GRIK1: variants seen among roughly 807,000 people sequenced by gnomAD.
GRIK1 encodes the protein glutamate receptor ionotropic, kainate 1.
In GRIK1, 69 loss-of-function variants were observed where a neutral mutation model predicts 105.7. The ratio of observed to expected loss-of-function variants is 0.65; its 90% CI spans 0.54 to 0.80. GRIK1 has a LOEUF of 0.80. Among genes scored for constraint, GRIK1 ranks in the 30% least tolerant of loss-of-function variants. The pLI is 0.00. For missense variants in GRIK1, 1,109 were observed against 1,167.3 expected, an observed-to-expected ratio of 0.95 and a Z score of 0.73; for synonymous variants, 438 against 431.3, an observed-to-expected ratio of 1.02 and a Z score of -0.19.
chr21:29,699,645 T>G (rs1475576724), intron 1 of GRIK1, among the ~76,000 whole-genome samples: 3 of 152,120 alleles, frequency 2.0e-5, no homozygotes, highest in African/African-American at 7.2e-5. Context: ...AGTACATTTA[T>G]CAGCATCTTT....
At chr21:29,900,112 A>G (rs887480591) in intron 1 of GRIK1, among the ~76,000 whole-genome samples, 4 of 151,494 alleles carry the variant, frequency 2.6e-5, no homozygotes, top group African/African-American at 7.3e-5. Flanking sequence ...AAATAAAAAG[A>G]AAAAGAGCTC....
chr21:29,885,267 T>A (rs1011920402), intron 1 of GRIK1, among the ~76,000 whole-genome samples: 1 of 152,084 alleles, frequency 6.6e-6, no homozygotes, highest in Non-Finnish European at 1.5e-5. Context: ...GGTTAAATAG[T>A]CTTCAACTTC....
chr21:29,895,162 C>G lies in GRIK1; in HGVS notation c.118+44221G>C, dbSNP rs118128045. 2.6e-3 allele frequency among the ~76,000 whole-genome samples: 394 copies of G among 152,198 alleles called. 6 individuals carry two copies. The East Asian group carries it at 0.053, about 21-fold the overall frequency. ...GAGGCTGACTTGGAGGCAAAAAGAA[C>G]TAATCTAGAATGACCTTGAGATTTC... On this transcript the variant is annotated intron_variant, in intron 1 of 17. Coordinates refer to ENST00000327783, the MANE Select transcript of GRIK1 (RefSeq NM_001330994.2).
intron 1 of GRIK1, among the ~76,000 whole-genome samples, chr21:29,717,744 T>C (rs2064213827): frequency 6.6e-6 from 1 of 152,126 alleles, no homozygotes. Flanking sequence ...GACTTTTGGG[T>C]TAATGCCAGA....
At chr21:29,933,470 T>C (rs2071642874) in intron 1 of GRIK1, among the ~76,000 whole-genome samples, 1 of 152,108 alleles carries the variant, frequency 6.6e-6, no homozygotes, top group Non-Finnish European at 1.5e-5. Context: ...AAACAGAGTG[T>C]TTGTTTGTTT....
chr21:29,895,634 C>T (rs558499967), intron 1 of GRIK1, among the ~76,000 whole-genome samples: 15 of 152,280 alleles, frequency 9.9e-5, no homozygotes, highest in East Asian at 1.9e-4. Flanking sequence ...TGAACATTCA[C>T]GCAGCAGTTG....
intron 16 of GRIK1, chr21:29,553,583 C>G: frequency 1.3e-6 from 2 of 1,593,064 alleles, no homozygotes; most frequent in Non-Finnish European, 1.7e-6. Flanking sequence ...GGACTGTTTT[C>G]GAATCCCTCT....
chr21:29,772,089 A>C (rs976224312), intron 1 of GRIK1, among the ~76,000 whole-genome samples: 1 of 152,254 alleles, frequency 6.6e-6, no homozygotes, highest in Non-Finnish European at 1.5e-5. Context: ...ATTCAAAAAC[A>C]AATTAATTCC....
At chr21:29,620,994 C>G (rs2061989477) in intron 7 of GRIK1, among the ~76,000 whole-genome samples, 1 of 150,112 alleles carries the variant, frequency 6.7e-6, no homozygotes, top group African/African-American at 2.4e-5. Flanking sequence ...AAATATATAT[C>G]TTATATTGCT....
intron 16 of GRIK1, among the ~76,000 whole-genome samples, chr21:29,548,025 T>C (rs2090074231): frequency 6.6e-6 from 1 of 152,216 alleles, no homozygotes; most frequent in South Asian, 2.1e-4. Context: ...ATATTTTAAG[T>C]CTAAACCCTC....
intron 1 of GRIK1, among the ~76,000 whole-genome samples, chr21:29,726,162 T>C (rs2064452961): frequency 6.6e-6 from 1 of 152,192 alleles, no homozygotes; most frequent in South Asian, 2.1e-4. Flanking sequence ...CTGAATGAGA[T>C]TTATCAGTCT....
At chr21:29,810,369 C>T (rs905580128) in intron 1 of GRIK1, among the ~76,000 whole-genome samples, 1 of 151,680 alleles carries the variant, frequency 6.6e-6, no homozygotes, top group Admixed American at 6.6e-5. Context: ...CAAGAATTAC[C>T]GAAATGTGAT....
chr21:29,604,468 C>G (rs2061576051), intron 7 of GRIK1, among the ~76,000 whole-genome samples: 3 of 152,100 alleles, frequency 2.0e-5, no homozygotes, highest in Non-Finnish European at 4.4e-5. Flanking sequence ...ATTTATTAAT[C>G]ATCAATACAC....
intron 1 of GRIK1, among the ~76,000 whole-genome samples, chr21:29,823,508 A>G (rs1371517499): frequency 6.6e-6 from 1 of 152,002 alleles, no homozygotes. Context: ...TACAAATTTG[A>G]AGCTCATGTT....
chr21:29,635,480 A>G (rs1227559344), intron 7 of GRIK1, among the ~76,000 whole-genome samples: 2 of 152,202 alleles, frequency 1.3e-5, no homozygotes, highest in Non-Finnish European at 2.9e-5. Flanking sequence ...TAGAGCTTCC[A>G]GGGGGTCACT....
intron 10 of GRIK1, among the ~76,000 whole-genome samples, chr21:29,590,889 C>T (rs903395244): frequency 5.9e-5 from 9 of 152,192 alleles, no homozygotes; most frequent in African/African-American, 1.7e-4. Flanking sequence ...TGGGGCTGAG[C>T]AGGACTGGCA....
chr21:29,743,912 C>T (rs899642400), intron 1 of GRIK1, among the ~76,000 whole-genome samples: 1 of 152,050 alleles, frequency 6.6e-6, no homozygotes, highest in Non-Finnish European at 1.5e-5. Flanking sequence ...GAATAACACA[C>T]ACTGGGACCT....
intron 7 of GRIK1, among the ~76,000 whole-genome samples, chr21:29,616,893 T>A (rs2146402007): frequency 6.6e-6 from 1 of 152,274 alleles, no homozygotes; most frequent in Admixed American, 6.5e-5. Flanking sequence ...ATGGTAAAAG[T>A]CAGTTGTTTC....
At chr21:29,755,346 G>T (rs999344124) in intron 1 of GRIK1, among the ~76,000 whole-genome samples, 1 of 152,220 alleles carries the variant, frequency 6.6e-6, no homozygotes, top group Admixed American at 6.5e-5. Flanking sequence ...GGAGAACTTA[G>T]GGATGAGAAC....
Sources: allele counts gnomAD v4.1 joint callset (sites outside exome capture counted in the v4.1 genomes callset), GRCh38; gene constraint gnomAD v4.1.1; transcripts MANE v1.5; gene names NCBI Gene and HGNC (gene_info 2026-07-23, HGNC 2026-07-21).